XKR6: variants seen among roughly 807,000 people sequenced by gnomAD.
XKR6 encodes the protein XK-related protein 6.
A neutral mutation model predicts 56.7 loss-of-function variants in XKR6; 22 were observed. The ratio of observed to expected loss-of-function variants is 0.39; its 90% CI spans 0.28 to 0.55. The LOEUF is 0.55. Among genes scored for constraint, XKR6 ranks in the 20% least tolerant of loss-of-function variants. XKR6 has a pLI of 0.66. For missense variants in XKR6, 852 were observed against 889.0 expected, an observed-to-expected ratio of 0.96 and a Z score of 0.53; for synonymous variants, 524 against 387.8, an observed-to-expected ratio of 1.35 and a Z score of -4.13.
chr8:10,950,907 C>T (rs1001824298), intron 1 of XKR6, among the ~76,000 whole-genome samples: 1 of 152,232 alleles, frequency 6.6e-6, no homozygotes, highest in African/African-American at 2.4e-5. Flanking sequence ...CATTTTTCTA[C>T]ACATGAGAAG....
intron 1 of XKR6, among the ~76,000 whole-genome samples, chr8:11,060,133 G>A (rs940581684): frequency 5.9e-5 from 9 of 152,174 alleles, no homozygotes; most frequent in Admixed American, 2.6e-4. Flanking sequence ...GCTCAGGGTT[G>A]GATCAGAGCT....
chr8:11,143,736 T>C (rs1390192486), intron 1 of XKR6, among the ~76,000 whole-genome samples: 1 of 152,304 alleles, frequency 6.6e-6, no homozygotes, highest in East Asian at 1.9e-4. Flanking sequence ...TTTCCTGCTG[T>C]GGTCCTGGAT....
chr8:11,097,901 G>GCAATAGCATAT (rs1798322414), intron 1 of XKR6, among the ~76,000 whole-genome samples: 1 of 149,498 alleles, frequency 6.7e-6, no homozygotes, highest in African/African-American at 2.5e-5. Flanking sequence ...ATTTGCTATA[G>GCAATAGCATAT]TGTTAGTAAC....
chr8:11,088,778 A>C (rs1484883375), intron 1 of XKR6, among the ~76,000 whole-genome samples: 1 of 152,268 alleles, frequency 6.6e-6, no homozygotes, highest in African/African-American at 2.4e-5. Context: ...GCAAGGCATT[A>C]AAATAGAATA....
chr8:10,951,299 G>GTGTGTGTGTGTGTGTGT (rs762396240), intron 1 of XKR6, among the ~76,000 whole-genome samples: 2 of 117,538 alleles, frequency 1.7e-5, no homozygotes, highest in Non-Finnish European at 1.8e-5. Context: ...GTGTGTGTGT[G>GTGTGTGTGTGTGTGTGT]GGGGGGGGGG....
chr8:10,953,516 T>A (rs1418380306), intron 1 of XKR6, among the ~76,000 whole-genome samples: 3 of 152,164 alleles, frequency 2.0e-5, no homozygotes, highest in Non-Finnish European at 4.4e-5. Flanking sequence ...AATTACCTAG[T>A]CTCAGGTATT....
chr8:11,190,152 T>A (rs576555940), intron 1 of XKR6, among the ~76,000 whole-genome samples: 9 of 89,366 alleles, frequency 1.0e-4, no homozygotes, highest in African/African-American at 1.4e-4. Context: ...AGTGAAACTG[T>A]CCCAAAAAAA....
intron 1 of XKR6, among the ~76,000 whole-genome samples, chr8:11,159,021 G>C (rs1349559291): frequency 1.3e-5 from 2 of 152,186 alleles, no homozygotes; most frequent in Non-Finnish European, 2.9e-5. Context: ...CTGAAACCTG[G>C]TTCTACCATT....
At chr8:10,902,575 T>C (rs1306292132) in intron 2 of XKR6, among the ~76,000 whole-genome samples, 1 of 152,248 alleles carries the variant, frequency 6.6e-6, no homozygotes, top group Non-Finnish European at 1.5e-5. Context: ...AGATCCTTTG[T>C]ACTAAAGGTC....
At chr8:10,925,415 G>A (rs1163423460) in intron 1 of XKR6, among the ~76,000 whole-genome samples, 2 of 152,176 alleles carry the variant, frequency 1.3e-5, no homozygotes, top group East Asian at 1.9e-4. Context: ...TCCTGTCGCC[G>A]GATAGTGGAA....
At chr8:11,100,887 G>GGGGAA (rs1482846477) in intron 1 of XKR6, among the ~76,000 whole-genome samples, 1 of 152,204 alleles carries the variant, frequency 6.6e-6, no homozygotes, top group Non-Finnish European at 1.5e-5. Context: ...CCGCAAATGT[G>GGGGAA]ATTTATGGGA....
chr8:11,182,540 G>A (rs1010253898), intron 1 of XKR6, among the ~76,000 whole-genome samples: 1 of 152,214 alleles, frequency 6.6e-6, no homozygotes, highest in African/African-American at 2.4e-5. Context: ...ATATCTTGAA[G>A]TCAGATGGGT....
At chr8:10,983,850 T>C (rs2129138074) in intron 1 of XKR6, among the ~76,000 whole-genome samples, 1 of 152,078 alleles carries the variant, frequency 6.6e-6, no homozygotes, top group East Asian at 1.9e-4. Context: ...TGAGTTGGGG[T>C]TTCACCGTGT....
chr8:11,152,083 T>G (rs116348059), intron 1 of XKR6, among the ~76,000 whole-genome samples: 3 of 152,312 alleles, frequency 2.0e-5, no homozygotes, highest in South Asian at 2.1e-4. Flanking sequence ...TACATTAAGG[T>G]ACACAGGATT....
intron 1 of XKR6, among the ~76,000 whole-genome samples, chr8:11,135,126 G>A (rs943450915): frequency 4.0e-5 from 6 of 151,016 alleles, no homozygotes; most frequent in Admixed American, 2.6e-4. Flanking sequence ...TCCGCCTCCC[G>A]GGTTCACGCC....
At chr8:11,091,722 C>G (rs1487451880) in intron 1 of XKR6, among the ~76,000 whole-genome samples, 1 of 152,056 alleles carries the variant, frequency 6.6e-6, no homozygotes, top group Non-Finnish European at 1.5e-5. Context: ...CAGTGATGCC[C>G]TGCAGCCGTG....
At chr8:11,120,333 C>T (rs916493767) in intron 1 of XKR6, among the ~76,000 whole-genome samples, 7 of 152,194 alleles carry the variant, frequency 4.6e-5, no homozygotes, top group South Asian at 2.1e-4. Flanking sequence ...GCAAACTCAG[C>T]GAAGTCTCAG....
intron 2 of XKR6, among the ~76,000 whole-genome samples, chr8:10,924,260 C>T (rs1487170904): frequency 3.9e-5 from 6 of 152,262 alleles, no homozygotes; most frequent in African/African-American, 9.6e-5. Context: ...TGTGGTCCCA[C>T]GCTATCTCTG....
In XKR6 at chr8:10,898,264, C is replaced by G. The variant is rs1270411479; in HGVS notation, c.1614G>C (p.Gly538=). The change falls in exon 3 of 3, where the codon GGG becomes GGC. Residue 538 remains glycine, a synonymous_variant. Coordinates refer to ENST00000416569, the MANE Select transcript of XKR6 (RefSeq NM_173683.4). This position sits in a 1 kb window ranked among gnomAD's most constrained non-coding sequence, Gnocchi z 6.6. ...CGGCTCTGGTGGGCGTAACCTGGGT[C>G]CCCCGGTACCCAGGGATCTCAGGCG... ...PMAPEIPGYR[G]TQVTPTRAVT... is the part of the protein sequence containing the mutation. 1.2e-6 allele frequency: 2 copies of G among 1,613,896 alleles called. No individual in the cohort carries two copies. The highest frequency in any genetic ancestry group is 2.7e-5 in the African/African-American group (2 of 74,906).
Sources: gnomAD v4.1 joint callset for allele counts (sites outside exome capture counted in the v4.1 genomes callset) on GRCh38, gnomAD v4.1.1 for gene constraint, Gnocchi (gnomAD v3.1) non-coding constraint, MANE v1.5 for transcripts, NCBI Gene and HGNC (gene_info 2026-07-23, HGNC 2026-07-21) for gene names.